DACH2: variants seen among roughly 807,000 people sequenced by gnomAD.
DACH2 encodes the protein dachshund family transcription factor 2.
In DACH2, 17 loss-of-function variants were observed where a neutral mutation model predicts 35.8. The ratio of observed to expected loss-of-function variants is 0.48; its 90% CI spans 0.33 to 0.71. DACH2 has a LOEUF of 0.71. Among genes scored for constraint, DACH2 ranks in the 30% least tolerant of loss-of-function variants. The pLI is 0.02. For synonymous variants in DACH2, 195 were observed against 177.3 expected, an observed-to-expected ratio of 1.10 and a Z score of -0.79; for missense variants, 469 against 472.7, an observed-to-expected ratio of 0.99 and a Z score of 0.07.
At chrX:86,261,845 C>A (rs2033631250) in intron 1 of DACH2, among the ~76,000 whole-genome samples, 1 of 111,090 alleles carries the variant, frequency 9.0e-6, no homozygotes, top group African/African-American at 3.3e-5. Flanking sequence ...TGATTAATAC[C>A]ACCTAGAGCT....
At chrX:86,216,370 C>G (rs1318561028) in intron 1 of DACH2, among the ~76,000 whole-genome samples, 5 of 108,281 alleles carry the variant, frequency 4.6e-5, no homozygotes, top group Non-Finnish European at 7.7e-5. Flanking sequence ...CCCACCACCC[C>G]CAAACAGGCC....
At chrX:86,453,322 T>A (rs2037415724) in intron 2 of DACH2, among the ~76,000 whole-genome samples, 1 of 112,326 alleles carries the variant, frequency 8.9e-6, no homozygotes, top group Admixed American at 9.5e-5. Flanking sequence ...TCTGTCGATA[T>A]CAGATCCACT....
At chrX:86,161,385 A>T (rs2030749774) in intron 1 of DACH2, 4 of 914,083 alleles carry the variant, frequency 4.4e-6, no homozygotes, top group Non-Finnish European at 5.8e-6. Flanking sequence ...TACAGGTGTT[A>T]GCAGATCAAA....
intron 3 of DACH2, among the ~76,000 whole-genome samples, chrX:86,553,109 C>A (rs2039072581): frequency 9.0e-6 from 1 of 110,993 alleles, no homozygotes; most frequent in Non-Finnish European, 1.9e-5. Flanking sequence ...CATATGAAAG[C>A]TGAGGAGCAA....
At chrX:86,696,654 T>C in intron 5 of DACH2, among the ~76,000 whole-genome samples, 1 of 111,832 alleles carries the variant, frequency 8.9e-6, no homozygotes, top group Non-Finnish European at 1.9e-5. Context: ...GCACAGCTCA[T>C]AAGGAGAAGA....
chrX:86,286,001 G>GA (rs1300734299), intron 1 of DACH2, among the ~76,000 whole-genome samples: 1 of 325 alleles, frequency 3.1e-3, no homozygotes, highest in Non-Finnish European at 0.011. Flanking sequence ...TGTTTGCCTT[G>GA]GATGGCATAT....
intron 2 of DACH2, among the ~76,000 whole-genome samples, chrX:86,450,730 C>CTT (rs376487758): frequency 3.9e-5 from 4 of 101,905 alleles, no homozygotes; most frequent in African/African-American, 1.4e-4. Flanking sequence ...TTGCCAGAAC[C>CTT]TTTTTTTTTT....
intron 3 of DACH2, among the ~76,000 whole-genome samples, chrX:86,628,118 C>G (rs1308441592): frequency 5.4e-5 from 6 of 112,068 alleles, no homozygotes; most frequent in African/African-American, 1.9e-4. Context: ...CAGTCATTTC[C>G]TGGGCATCAC....
chrX:86,451,539 G>A (rs1246761789), intron 2 of DACH2, among the ~76,000 whole-genome samples: 1 of 111,010 alleles, frequency 9.0e-6, no homozygotes, highest in Non-Finnish European at 1.9e-5. Context: ...TGGGCTTTTT[G>A]GGCTCTTTTT....
Position 86,461,855 on chromosome X carries a change from G to A in DACH2, c.528-52424G>A, listed in dbSNP as rs777235182. The stretch of plus-strand genomic sequence containing the variant: ...ATTGTGCTTTATTTTTTTGAAGTTC[G>A]TATCATCACAGGCCTAATTTGCTTT... On this transcript the variant is annotated intron_variant, in intron 2 of 11. Transcript: ENST00000373125. Among the ~76,000 whole-genome samples, 10 of 111,358 alleles carry A rather than the reference G, an allele frequency of 9.0e-5. No homozygotes were observed. The East Asian group carries it at 2.5e-3, about 28-fold the overall frequency.
chrX:86,807,214 T>C (rs1337388767), intron 7 of DACH2, among the ~76,000 whole-genome samples: 1 of 111,923 alleles, frequency 8.9e-6, no homozygotes, highest in African/African-American at 3.2e-5. Context: ...TAATAGATGC[T>C]TAGGTTGTCA....
chrX:86,637,233 A>AAAAAAAAAAAAAAAAAAAG, intron 3 of DACH2, among the ~76,000 whole-genome samples: 1 of 94,735 alleles, frequency 1.1e-5, no homozygotes. Flanking sequence ...AAAAAAAAAA[A>AAAAAAAAAAAAAAAAAAAG]AAAAAAAAAA....
At chrX:86,341,172 G>T (rs1184323463) in intron 1 of DACH2, among the ~76,000 whole-genome samples, 1 of 112,041 alleles carries the variant, frequency 8.9e-6, no homozygotes, top group Non-Finnish European at 1.9e-5. Flanking sequence ...AAAACATACT[G>T]TCTAGAACTT....
intron 2 of DACH2, among the ~76,000 whole-genome samples, chrX:86,426,876 A>G (rs2036901860): frequency 8.9e-6 from 1 of 112,264 alleles, no homozygotes; most frequent in Non-Finnish European, 1.9e-5. Flanking sequence ...TAGTAAAAAC[A>G]TTTCATAAGG....
intron 1 of DACH2, among the ~76,000 whole-genome samples, chrX:86,329,001 A>G (rs962585992): frequency 1.1e-4 from 12 of 111,493 alleles, no homozygotes; most frequent in African/African-American, 1.6e-4. Context: ...AAAATAATAA[A>G]TTGCTTGATC....
intron 7 of DACH2, among the ~76,000 whole-genome samples, chrX:86,789,135 C>T (rs1488488627): frequency 8.9e-6 from 1 of 111,846 alleles, no homozygotes; most frequent in African/African-American, 3.2e-5. Context: ...ATTACTGATT[C>T]ATGAAATAAG....
At chrX:86,702,421 A>T (rs1471498966) in intron 5 of DACH2, among the ~76,000 whole-genome samples, 1 of 111,378 alleles carries the variant, frequency 9.0e-6, no homozygotes, top group African/African-American at 3.3e-5. Context: ...AAGAAATAAC[A>T]AGGATTAGAG....
chrX:86,275,159 T>C lies in DACH2; in HGVS notation c.489-101665T>C, dbSNP rs193271673. ...TATTGCAACAGCTGCTTAATTTTTT[T>C]CTCCTGTTTTACATATAACGAAGCA... On this transcript the variant is annotated intron_variant, in intron 1 of 11. Coordinates refer to ENST00000373125, the MANE Select transcript of DACH2 (RefSeq NM_053281.3). Among the ~76,000 whole-genome samples, 140 of 111,971 alleles carry C rather than the reference T, an allele frequency of 1.3e-3. 1 individual carries two copies. Among genetic ancestry groups the C allele is most frequent in the Admixed American group, 0.012 (122 of 10,575 alleles).
chrX:86,720,055 C>T (rs142618958), intron 6 of DACH2, among the ~76,000 whole-genome samples: 306 of 106,519 alleles, frequency 2.9e-3, no homozygotes, highest in Non-Finnish European at 4.9e-3. Context: ...TCTCCTGCCT[C>T]AGCCTCCTGA....
Sources: allele counts gnomAD v4.1 joint callset (sites outside exome capture counted in the v4.1 genomes callset), GRCh38; gene constraint gnomAD v4.1.1; transcripts MANE v1.5; gene names NCBI Gene and HGNC (gene_info 2026-07-23, HGNC 2026-07-21).